HTR1F: variants seen among roughly 807,000 people sequenced by gnomAD.
HTR1F encodes 5-hydroxytryptamine receptor 1F, also known as 5-hydroxytryptamine (serotonin) receptor 1F, G protein-coupled.
In HTR1F, 17 loss-of-function variants were observed where a neutral mutation model predicts 24.0. That is an observed-to-expected ratio of 0.71 (90% CI 0.48 to 1.06). HTR1F has a LOEUF of 1.06. Among genes scored for constraint, HTR1F ranks in the 50% least tolerant of loss-of-function variants. HTR1F has a pLI of 0.00. For missense variants in HTR1F, 391 were observed against 427.8 expected (o/e 0.91, Z 0.76); for synonymous variants, 186 against 156.8 (o/e 1.19, Z -1.39).
At chr3:87,946,305 A>G (rs1359175944) in intron 2 of HTR1F, among the ~76,000 whole-genome samples, 1 of 152,168 alleles carries the variant, frequency 6.6e-6, no homozygotes, top group African/African-American at 2.4e-5. Flanking sequence ...GGACCAGAAG[A>G]GAGTGCAGTT....
intron 2 of HTR1F, among the ~76,000 whole-genome samples, chr3:87,887,578 T>C (rs1431903062): frequency 6.6e-6 from 1 of 152,190 alleles, no homozygotes; most frequent in East Asian, 1.9e-4. Flanking sequence ...TCTATCCATC[T>C]GACAAAGGGC....
At chr3:87,973,318 C>A (rs541802648) in intron 2 of HTR1F, among the ~76,000 whole-genome samples, 2 of 152,178 alleles carry the variant, frequency 1.3e-5, no homozygotes, top group African/African-American at 4.8e-5. Context: ...ACTGCCATAA[C>A]CTATTCAAAT....
intron 2 of HTR1F, among the ~76,000 whole-genome samples, chr3:87,977,531 T>G (rs1272680238): frequency 6.6e-6 from 1 of 151,272 alleles, no homozygotes; most frequent in African/African-American, 2.4e-5. Context: ...CCTGAGTAGC[T>G]GGGACTACAG....
At chr3:87,849,207 ATAC>A (rs1255082679) in intron 2 of HTR1F, among the ~76,000 whole-genome samples, 4 of 151,884 alleles carry the variant, frequency 2.6e-5, no homozygotes, top group Admixed American at 2.6e-4. Flanking sequence ...ACTTCAAACT[ATAC>A]TACAAGGCTA....
At chr3:87,843,306 T>G (rs1704849670) in intron 2 of HTR1F, among the ~76,000 whole-genome samples, 1 of 151,982 alleles carries the variant, frequency 6.6e-6, no homozygotes, top group Non-Finnish European at 1.5e-5. Flanking sequence ...TGCTGCATTC[T>G]GTTCATGATG....
At chr3:87,841,504 T>C (rs1435086990) in intron 2 of HTR1F, among the ~76,000 whole-genome samples, 2 of 151,672 alleles carry the variant, frequency 1.3e-5, no homozygotes, top group Non-Finnish European at 2.9e-5. Flanking sequence ...TGCAAGGGGG[T>C]TGGGAACTCT....
Position 87,927,211 on chromosome 3 carries a change from T to C in HTR1F, c.-42-63497T>C, listed in dbSNP as rs553968133. 6.6e-5 allele frequency among the ~76,000 whole-genome samples: 10 copies of C among 152,094 alleles called. No homozygotes were observed. In the South Asian group the frequency reaches 8.3e-4, roughly 13 times the overall value. ...CTGCAAAAGATGTAGTTACAATAAG[T>C]GCCTGAAAAATAGCTGATGGGTTAA... On this transcript the variant is annotated intron_variant, in intron 2 of 2. Transcript: ENST00000319595.
chr3:87,867,810 G>C lies in HTR1F; in HGVS notation c.-43+45686G>C, dbSNP rs145065200. On this transcript the variant is annotated intron_variant, in intron 2 of 2. Transcript: ENST00000319595. ...AAATGGTACCACATTGTACAAAATA[G>C]TAGGGGTCTTGATCTATAATAATTC... Among the ~76,000 whole-genome samples, 99 of 152,238 alleles carry C rather than the reference G, an allele frequency of 6.5e-4. 1 individual carries two copies. The highest frequency in any genetic ancestry group is 3.4e-3 in the Middle Eastern group (1 of 294).
intron 2 of HTR1F, among the ~76,000 whole-genome samples, chr3:87,946,239 G>A (rs1413548917): frequency 3.9e-5 from 6 of 152,262 alleles, no homozygotes; most frequent in South Asian, 4.1e-4. Context: ...ATGCGACGGC[G>A]GCAAACGGCA....
chr3:87,894,497 A>G (rs1706156169), intron 2 of HTR1F, among the ~76,000 whole-genome samples: 1 of 147,360 alleles, frequency 6.8e-6, no homozygotes, highest in Non-Finnish European at 1.5e-5. Context: ...ACCTCAAGTG[A>G]TCTGCCCAAC....
intron 2 of HTR1F, among the ~76,000 whole-genome samples, chr3:87,881,744 A>C (rs1705807069): frequency 6.6e-6 from 1 of 152,208 alleles, no homozygotes; most frequent in Non-Finnish European, 1.5e-5. Flanking sequence ...TTAGACCTAA[A>C]ACCATAAAAA....
intron 2 of HTR1F, among the ~76,000 whole-genome samples, chr3:87,918,673 T>C (rs781074430): frequency 1.3e-4 from 19 of 151,810 alleles, no homozygotes; most frequent in Non-Finnish European, 2.2e-4. Context: ...CCAAGGAGTC[T>C]AAAAACCTCT....
intron 1 of HTR1F, among the ~76,000 whole-genome samples, chr3:87,821,025 C>T (rs992080353): frequency 1.3e-5 from 2 of 152,072 alleles, no homozygotes; most frequent in African/African-American, 4.8e-5. Context: ...AATAGAATTG[C>T]CAATGAATAA....
intron 2 of HTR1F, among the ~76,000 whole-genome samples, chr3:87,835,897 G>T (rs569103379): frequency 4.6e-5 from 7 of 152,254 alleles, no homozygotes; most frequent in Admixed American, 3.3e-4. Flanking sequence ...AGGAACTTTT[G>T]TTGGGGCATT....
intron 2 of HTR1F, among the ~76,000 whole-genome samples, chr3:87,842,318 G>T (rs553218763): frequency 6.6e-6 from 1 of 151,298 alleles, no homozygotes; most frequent in Non-Finnish European, 1.5e-5. Context: ...CCACCACCAC[G>T]CCCGGCTAAT....
intron 2 of HTR1F, among the ~76,000 whole-genome samples, chr3:87,823,810 A>ACC (rs1704408268): frequency 2.0e-5 from 3 of 152,120 alleles, no homozygotes; most frequent in Non-Finnish European, 4.4e-5. Flanking sequence ...CTGTAACTTC[A>ACC]GCACTTTTGG....
chr3:87,793,066 T>C, intron 1 of HTR1F: 1 of 152,452 alleles, frequency 6.6e-6, no homozygotes, highest in Non-Finnish European at 1.5e-5. Context: ...CAACCTCTGC[T>C]CCCTGGGGGC....
intron 1 of HTR1F, among the ~76,000 whole-genome samples, chr3:87,796,664 T>G (rs1703911440): frequency 1.3e-5 from 2 of 152,154 alleles, no homozygotes; most frequent in African/African-American, 2.4e-5. Flanking sequence ...AAGAAGAAAG[T>G]ACTTTTTTTA....
chr3:87,873,137 G>C (rs868834511), intron 2 of HTR1F, among the ~76,000 whole-genome samples: 28 of 137,940 alleles, frequency 2.0e-4, no homozygotes, highest in African/African-American at 5.8e-4. Context: ...CACACACAGA[G>C]AGATTTATGA....
Sources: gnomAD v4.1 joint callset for allele counts (sites outside exome capture counted in the v4.1 genomes callset) on GRCh38, gnomAD v4.1.1 for gene constraint, MANE v1.5 for transcripts, NCBI Gene and HGNC (gene_info 2026-07-23, HGNC 2026-07-21) for gene names.